Variants in TBC1D1 observed in about 807,000 individuals in gnomAD.
TBC1D1 encodes the protein TBC1 domain family member 1.
Under a neutral mutation model 125.6 loss-of-function variants are expected in TBC1D1, and 89 were observed. The observed-to-expected ratio is 0.71, with a 90% confidence interval of 0.60 to 0.85. TBC1D1 has a LOEUF of 0.85. Ranked by LOEUF, TBC1D1 falls within the 40% of genes least tolerant of loss-of-function variation. The pLI is 0.00. For synonymous variants in TBC1D1, 565 were observed against 564.1 expected (o/e 1.00, Z -0.02); for missense variants, 1,377 against 1,469.2 (o/e 0.94, Z 1.03).
At chr4:38,067,968 G>A (rs1352222191) in intron 12 of TBC1D1, among the ~76,000 whole-genome samples, 6 of 152,328 alleles carry the variant, frequency 3.9e-5, no homozygotes, top group Non-Finnish European at 8.8e-5. Flanking sequence ...CCAATACGCG[G>A]ATGTACCAGT....
chr4:38,127,946 G>A (rs1299922321), intron 18 of TBC1D1, among the ~76,000 whole-genome samples: 2 of 152,092 alleles, frequency 1.3e-5, no homozygotes. Context: ...TCACCTCTGC[G>A]ACAGCTACTC....
intron 12 of TBC1D1, among the ~76,000 whole-genome samples, chr4:38,082,879 G>A (rs1013051807): frequency 2.0e-5 from 3 of 152,078 alleles, no homozygotes; most frequent in African/African-American, 7.2e-5. Context: ...TCATCTCTAA[G>A]TCATCCTTAC....
chr4:37,940,865 G>A (rs1725420141), intron 2 of TBC1D1, among the ~76,000 whole-genome samples: 1 of 152,164 alleles, frequency 6.6e-6, no homozygotes, highest in Admixed American at 6.6e-5. Context: ...TGAATCCCAG[G>A]GATGAACCCC....
intron 2 of TBC1D1, 45 bp downstream of exon 2, chr4:37,902,557 T>G (rs753949889): frequency 6.8e-7 from 1 of 1,472,914 alleles, no homozygotes; most frequent in Admixed American, 2.1e-5. Context: ...GGCTGGCTGG[T>G]TTTTATTGTA....
chr4:37,995,531 C>A lies in TBC1D1; in HGVS notation c.418-18978C>A. On this transcript the variant is annotated intron_variant, in intron 2 of 19. Transcript: ENST00000261439. The surrounding 1 kb of genome is among the most constrained non-coding windows in gnomAD (Gnocchi z 4.3). The stretch of plus-strand genomic sequence containing the variant: ...TGGTTTCTCTTCACCTTTTGGGTTG[C>A]GGTTTTCTCCAGGTTGGTGCTGATG... The A allele has an allele frequency of 2.8e-6, 1 of 352,048 alleles. No individual in the cohort carries two copies. Among genetic ancestry groups the A allele is most frequent in the Non-Finnish European group, 5.6e-6 (1 of 177,626 alleles). 21.8% of individuals were successfully genotyped at this position (352,048 alleles called of 1,614,324 possible).
At chr4:38,079,843 A>G (rs1756249857) in intron 12 of TBC1D1, among the ~76,000 whole-genome samples, 1 of 152,264 alleles carries the variant, frequency 6.6e-6, no homozygotes, top group Admixed American at 6.5e-5. Flanking sequence ...TTTAAAAGGT[A>G]CCTTTGTTCC....
rs1267061068 is a variant in TBC1D1, at chr4:38,014,364, C to T, written c.418-145C>T. 2 of 692,090 alleles carry T rather than the reference C, an allele frequency of 2.9e-6. No homozygotes were observed. Among genetic ancestry groups the T allele is most frequent in the African/African-American group, 3.6e-5 (2 of 56,132 alleles). 42.9% of individuals were successfully genotyped at this position (692,090 alleles called of 1,614,324 possible). A position where few individuals can be genotyped will look rare whatever the true frequency, so the allele number is the denominator to read the frequency against. The stretch of plus-strand genomic sequence containing the variant: ...TGGGAAGACATTCCTAGTCCCCTCC[C>T]GTGGGCTCCTCCTCCAGTGGGCTCC... On this transcript the variant is annotated intron_variant, in intron 2 of 19. Coordinates refer to ENST00000261439, the MANE Select transcript of TBC1D1 (RefSeq NM_015173.4). This position sits in a 1 kb window ranked among gnomAD's most constrained non-coding sequence, Gnocchi z 5.1.
At chr4:37,969,382 G>C (rs767888240) in intron 2 of TBC1D1, among the ~76,000 whole-genome samples, 1 of 152,116 alleles carries the variant, frequency 6.6e-6, no homozygotes, top group African/African-American at 2.4e-5. Flanking sequence ...CGCTCTTGTC[G>C]CCCAGTCTGG....
intron 11 of TBC1D1, among the ~76,000 whole-genome samples, chr4:38,052,718 G>T (rs895977148): frequency 1.7e-5 from 1 of 57,352 alleles, no homozygotes; most frequent in Non-Finnish European, 3.3e-5. Context: ...ACACACGCGC[G>T]CGCGCGCGCG....
At chr4:38,108,377 A>C (rs1578753108) in intron 15 of TBC1D1, among the ~76,000 whole-genome samples, 1 of 152,386 alleles carries the variant, frequency 6.6e-6, no homozygotes, top group East Asian at 1.9e-4. Flanking sequence ...CAACAGGCCC[A>C]GAAACCCAGG....
At chr4:37,993,667 C>G (rs141465813) in intron 2 of TBC1D1, among the ~76,000 whole-genome samples, 1 of 152,152 alleles carries the variant, frequency 6.6e-6, no homozygotes, top group Non-Finnish European at 1.5e-5. Context: ...CTGCAACCTC[C>G]GCCTCCCGGG....
intron 8 of TBC1D1, among the ~76,000 whole-genome samples, chr4:38,040,553 C>T (rs866025597): frequency 4.6e-5 from 7 of 152,220 alleles, no homozygotes; most frequent in South Asian, 4.1e-4. Flanking sequence ...TCCTAAAGTG[C>T]TGGGATTACA....
At chr4:37,938,012 C>T (rs1724753832) in intron 2 of TBC1D1, among the ~76,000 whole-genome samples, 1 of 152,016 alleles carries the variant, frequency 6.6e-6, no homozygotes, top group African/African-American at 2.4e-5. Flanking sequence ...CCGCCTTTGC[C>T]CTAATTGTTT....
At chr4:38,022,683 T>A (rs539399130) in intron 6 of TBC1D1, among the ~76,000 whole-genome samples, 2 of 152,300 alleles carry the variant, frequency 1.3e-5, no homozygotes, top group Admixed American at 6.5e-5. Flanking sequence ...AGTGAGAGTT[T>A]CTGTCTCTGT....
chr4:37,924,084 C>T (rs1334456272), intron 2 of TBC1D1, among the ~76,000 whole-genome samples: 4 of 152,146 alleles, frequency 2.6e-5, no homozygotes. Context: ...TCGTCTTACT[C>T]TCGGCTTCCT....
intron 12 of TBC1D1, among the ~76,000 whole-genome samples, chr4:38,084,867 T>C (rs1174223944): frequency 6.6e-6 from 1 of 152,216 alleles, no homozygotes; most frequent in East Asian, 1.9e-4. Flanking sequence ...AGAGCTCCTC[T>C]TTCTTACAGG....
At chr4:38,007,005 A>G in intron 2 of TBC1D1, 1 of 414,022 alleles carries the variant, frequency 2.4e-6, no homozygotes, top group South Asian at 2.1e-5. Context: ...AAACAGTGTC[A>G]CCATTTTCAT....
intron 15 of TBC1D1, chr4:38,110,247 A>C (rs140281559): frequency 1.2e-4 from 119 of 985,452 alleles, no homozygotes; most frequent in Non-Finnish European, 1.4e-4. Flanking sequence ...ACAGCACCGT[A>C]CAGGGACCAC....
intron 2 of TBC1D1, chr4:38,006,856 T>A (rs138824052): frequency 5.7e-4 from 289 of 510,198 alleles, no homozygotes; most frequent in African/African-American, 4.8e-3. Flanking sequence ...TCTTTTGTCA[T>A]CTTTGCTCAT....
Sources: allele counts gnomAD v4.1 joint callset (sites outside exome capture counted in the v4.1 genomes callset), GRCh38; gene constraint gnomAD v4.1.1; non-coding constraint Gnocchi (gnomAD v3.1); transcripts MANE v1.5; gene names NCBI Gene and HGNC (gene_info 2026-07-23, HGNC 2026-07-21).